Variants in RERE observed in about 807,000 individuals in gnomAD.
The protein encoded by RERE is arginine-glutamic acid dipeptide repeats protein.
In RERE, 40 loss-of-function variants were observed where a neutral mutation model predicts 146.1. The observed-to-expected ratio is 0.27, with a 90% confidence interval of 0.21 to 0.36. RERE has a LOEUF of 0.36. Ranked by LOEUF, RERE falls within the 10% of genes least tolerant of loss-of-function variation. The pLI, the probability that RERE is intolerant of heterozygous loss-of-function variation, is 1.00. For synonymous variants in RERE, 1,003 were observed against 866.0 expected (o/e 1.16, Z -2.78); for missense variants, 1,933 against 2,138.7 (o/e 0.90, Z 1.90).
chr1:8,651,190 G>T (rs539792871), intron 2 of RERE, among the ~76,000 whole-genome samples: 1 of 152,174 alleles, frequency 6.6e-6, no homozygotes, highest in South Asian at 2.1e-4. Flanking sequence ...GAGGCAGGAG[G>T]ATCACTTGAG....
At chr1:8,766,546 C>CAAAAAAAAAAAAA (rs60530407) in intron 1 of RERE, among the ~76,000 whole-genome samples, 1 of 66,018 alleles carries the variant, frequency 1.5e-5, no homozygotes, top group African/African-American at 5.6e-5. Flanking sequence ...GACTCCATTG[C>CAAAAAAAAAAAAA]AAAAAAAAAA....
chr1:8,384,868 G>A (rs1642584186), intron 12 of RERE, among the ~76,000 whole-genome samples: 1 of 152,234 alleles, frequency 6.6e-6, no homozygotes, highest in African/African-American at 2.4e-5. Context: ...GAGGGCAACA[G>A]CTGGCCATCA....
At chr1:8,475,265 T>C (rs895256480) in intron 10 of RERE, among the ~76,000 whole-genome samples, 4 of 150,842 alleles carry the variant, frequency 2.7e-5, no homozygotes, top group Admixed American at 6.6e-5. Flanking sequence ...TCCCAGCTAC[T>C]TGGGAGGCTG....
intron 12 of RERE, among the ~76,000 whole-genome samples, chr1:8,377,524 T>G (rs2124400479): frequency 6.6e-6 from 1 of 152,312 alleles, no homozygotes; most frequent in Middle Eastern, 3.4e-3. Flanking sequence ...AAGTGGGATT[T>G]CACTGCCGTT....
rs3050828 is a variant in RERE at position 8,545,982 on chromosome 1, C to CTTTTTTTTT, written c.726-4673_726-4665dup. On this transcript the variant is annotated intron_variant, in intron 6 of 22. Coordinates refer to ENST00000400908, the MANE Select transcript of RERE (RefSeq NM_001042681.2). ...ACAGGTGCAAGCTACCATACCCAGT[C>CTTTTTTTTT]TTTTTTTTTTTTTTTTTTTTTTTTT... Among the ~76,000 whole-genome samples the CTTTTTTTTT allele has an allele frequency of 2.4e-3, 168 of 69,466 alleles. 18 individuals carry two copies. Among genetic ancestry groups the CTTTTTTTTT allele is most frequent in the African/African-American group, 4.0e-3 (67 of 16,690 alleles). 45.6% of individuals were successfully genotyped at this position (69,466 alleles called of 152,430 possible).
intron 4 of RERE, among the ~76,000 whole-genome samples, chr1:8,591,437 A>G (rs1646492433): frequency 6.6e-6 from 1 of 151,870 alleles, no homozygotes; most frequent in Non-Finnish European, 1.5e-5. Context: ...TTAAAAAAAA[A>G]AAAAAGAAAA....
intron 4 of RERE, among the ~76,000 whole-genome samples, chr1:8,602,689 A>G (rs1340750024): frequency 1.3e-5 from 2 of 152,198 alleles, no homozygotes; most frequent in African/African-American, 4.8e-5. Flanking sequence ...TAAAAAACAA[A>G]AACAAAACCA....
chr1:8,578,113 G>A (rs1303460030), intron 4 of RERE, among the ~76,000 whole-genome samples: 5 of 152,058 alleles, frequency 3.3e-5, no homozygotes, highest in Non-Finnish European at 7.4e-5. Flanking sequence ...AAAAGGGCGG[G>A]GGGGAGAGGA....
At chr1:8,753,271 T>G (rs1222584278) in intron 1 of RERE, among the ~76,000 whole-genome samples, 1 of 152,190 alleles carries the variant, frequency 6.6e-6, no homozygotes, top group African/African-American at 2.4e-5. Context: ...ACTCTTCCAT[T>G]TGAGTGATCT....
intron 7 of RERE, among the ~76,000 whole-genome samples, chr1:8,521,965 G>A (rs576673341): frequency 6.6e-6 from 1 of 152,342 alleles, no homozygotes; most frequent in African/African-American, 2.4e-5. Flanking sequence ...AAAGAAGTTT[G>A]ATAGAAATAA....
At chr1:8,744,362 T>A (rs141467160) in intron 1 of RERE, among the ~76,000 whole-genome samples, 3 of 152,248 alleles carry the variant, frequency 2.0e-5, no homozygotes, top group Admixed American at 6.5e-5. Context: ...ACACCACTTA[T>A]AACATTATGA....
chr1:8,407,230 T>A (rs543684026), intron 12 of RERE, among the ~76,000 whole-genome samples: 1 of 152,148 alleles, frequency 6.6e-6, no homozygotes, highest in Non-Finnish European at 1.5e-5. Context: ...TGTGACAGAA[T>A]TGTGACAGGC....
intron 12 of RERE, among the ~76,000 whole-genome samples, chr1:8,406,497 C>T (rs1643441948): frequency 6.6e-6 from 1 of 152,124 alleles, no homozygotes; most frequent in African/African-American, 2.4e-5. Context: ...GGGAAAACCA[C>T]ACACGCACAC....
intron 1 of RERE, among the ~76,000 whole-genome samples, chr1:8,669,629 A>G (rs1185280877): frequency 6.6e-6 from 1 of 152,208 alleles, no homozygotes; most frequent in Non-Finnish European, 1.5e-5. Context: ...AACACAGTCA[A>G]TTAAACTAGT....
At position 8,364,208 on chromosome 1, in the gene RERE, T is replaced by C. The variant is rs1395772276; in HGVS notation, c.1588A>G (p.Thr530Ala). ...TTCTTGAAGTGGATGCGACAGTCGG[T>C]GCAAAGCAGGATGTTCTCCCGGCCT... ...HGGRENILLC[T>A]DCRIHFKKYG... is the part of the protein sequence containing the mutation. The change falls in exon 15 of 23, where the codon ACC becomes GCC. Residue 530 changes from threonine to alanine, a missense_variant. Thr to Ala is a moderately conservative substitution (Grantham distance 58). Around this residue, in one of 11 missense-constraint regions of RERE, gnomAD observed 260 missense variants for 378.4 expected, o/e 0.69. Coordinates refer to ENST00000400908, the MANE Select transcript of RERE (RefSeq NM_001042681.2). This position sits in a 1 kb window ranked among gnomAD's most constrained non-coding sequence, Gnocchi z 5.1. 4 of 1,614,038 alleles carry C rather than the reference T, an allele frequency of 2.5e-6. No homozygotes were observed. Among genetic ancestry groups the C allele is most frequent in the Non-Finnish European group, 3.4e-6 (4 of 1,180,040 alleles).
At chr1:8,503,195 G>C (rs953377368) in intron 8 of RERE, among the ~76,000 whole-genome samples, 1 of 152,086 alleles carries the variant, frequency 6.6e-6, no homozygotes, top group Non-Finnish European at 1.5e-5. Context: ...ATTCAATTTT[G>C]CATCTATCAT....
Position 8,423,705 on chromosome 1 carries a change from C to T in RERE, c.1204-898G>A. 1 of 981,504 alleles carries T rather than the reference C, an allele frequency of 1.0e-6. No homozygotes were observed. Among genetic ancestry groups the T allele is most frequent in the South Asian group, 4.7e-5 (1 of 21,330 alleles). The allele number at this position is 981,504 out of a possible 1,614,324, so 60.8% of individuals were successfully genotyped here. A position where few individuals can be genotyped will look rare whatever the true frequency, so the allele number is the denominator to read the frequency against. On this transcript the variant is annotated intron_variant, in intron 11 of 22. Coordinates refer to ENST00000400908, the MANE Select transcript of RERE (RefSeq NM_001042681.2). The surrounding 1 kb of genome is among the most constrained non-coding windows in gnomAD (Gnocchi z 5.4). ...GCGGAGGCGGCCGCGGGTGGCTCGG[C>T]GTGTGACCGCGGCGGGGCCGCGCGG...
At chr1:8,591,044 T>C (rs1159507243) in intron 4 of RERE, among the ~76,000 whole-genome samples, 1 of 152,180 alleles carries the variant, frequency 6.6e-6, no homozygotes, top group Non-Finnish European at 1.5e-5. Context: ...AGCACAAGCT[T>C]CCCAAATGTG....
At chr1:8,770,424 C>T (rs1174931205) in intron 1 of RERE, among the ~76,000 whole-genome samples, 1 of 152,110 alleles carries the variant, frequency 6.6e-6, no homozygotes, top group African/African-American at 2.4e-5. Flanking sequence ...TGTAGCATCA[C>T]TGAATGTTTT....
Sources: allele counts gnomAD v4.1 joint callset (sites outside exome capture counted in the v4.1 genomes callset), GRCh38; gene constraint gnomAD v4.1.1; regional missense constraint gnomAD v4.1.1; non-coding constraint Gnocchi (gnomAD v3.1); transcripts MANE v1.5; gene names NCBI Gene and HGNC (gene_info 2026-07-23, HGNC 2026-07-21).